EYS: variants seen among roughly 807,000 people sequenced by gnomAD.
The protein encoded by EYS is EGF-like photoreceptor maintenance factor.
Under a neutral mutation model 282.1 loss-of-function variants are expected in EYS, and 250 were observed. That is an observed-to-expected ratio of 0.89 (90% CI 0.80 to 0.98). EYS has a LOEUF of 0.98. Among genes scored for constraint, EYS ranks in the 50% least tolerant of loss-of-function variants. The probability of loss-of-function intolerance (pLI) is 0.00; values close to 1 mark genes in which losing one functional copy is unlikely to be tolerated. For synonymous variants in EYS, 1,355 were observed against 1,282.9 expected, an observed-to-expected ratio of 1.06 and a Z score of -1.20; for missense variants, 4,016 against 3,709.0, an observed-to-expected ratio of 1.08 and a Z score of -2.15.
chr6:64,749,634 A>G (rs1347168031), intron 22 of EYS, among the ~76,000 whole-genome samples: 2 of 152,198 alleles, frequency 1.3e-5, no homozygotes, highest in African/African-American at 4.8e-5. Context: ...AAGTCTTGCT[A>G]AATTAGAAAA....
chr6:65,464,168 A>G (rs1296286929), intron 5 of EYS, among the ~76,000 whole-genome samples: 2 of 152,176 alleles, frequency 1.3e-5, no homozygotes, highest in African/African-American at 4.8e-5. Flanking sequence ...AGATCATTCA[A>G]AAGTATACAC....
At chr6:64,763,030 A>G (rs2149979923) in intron 22 of EYS, among the ~76,000 whole-genome samples, 1 of 152,348 alleles carries the variant, frequency 6.6e-6, no homozygotes, top group South Asian at 2.1e-4. Context: ...GGAATTATGA[A>G]CACAATATAA....
chr6:64,131,296 T>C (rs749442136), intron 31 of EYS, among the ~76,000 whole-genome samples: 3 of 152,260 alleles, frequency 2.0e-5, no homozygotes, highest in Non-Finnish European at 2.9e-5. Context: ...TGCACAGTTG[T>C]AAGTCATTTA....
At chr6:65,026,785 C>T (rs915238004) in intron 13 of EYS, among the ~76,000 whole-genome samples, 9 of 152,014 alleles carry the variant, frequency 5.9e-5, no homozygotes, top group South Asian at 2.1e-4. Flanking sequence ...GGCGTGGTGG[C>T]GGGCGCCTGT....
intron 31 of EYS, among the ~76,000 whole-genome samples, chr6:64,143,960 G>C (rs1774430275): frequency 6.6e-6 from 1 of 152,062 alleles, no homozygotes; most frequent in South Asian, 2.1e-4. Flanking sequence ...ATTTTGCTTG[G>C]GATACTGCAA....
chr6:63,952,135 G>A (rs543015368), intron 35 of EYS, among the ~76,000 whole-genome samples: 7 of 152,328 alleles, frequency 4.6e-5, no homozygotes, highest in East Asian at 3.9e-4. Flanking sequence ...AAGCCACAGC[G>A]GTTAAGCATT....
At chr6:64,181,225 C>T (rs1277154760) in intron 31 of EYS, among the ~76,000 whole-genome samples, 1 of 152,066 alleles carries the variant, frequency 6.6e-6, no homozygotes, top group African/African-American at 2.4e-5. Flanking sequence ...AGACAACATC[C>T]TCCACTGGAC....
chr6:65,435,059 A>C (rs1404338093), intron 5 of EYS, among the ~76,000 whole-genome samples: 1 of 151,866 alleles, frequency 6.6e-6, no homozygotes. Flanking sequence ...ACACATCTAA[A>C]GTCACCAGAT....
intron 35 of EYS, among the ~76,000 whole-genome samples, chr6:63,928,035 T>C (rs1263943329): frequency 2.0e-5 from 3 of 152,204 alleles, no homozygotes; most frequent in Non-Finnish European, 4.4e-5. Context: ...TGGTTTCCGA[T>C]GAGCTGTGTA....
At chr6:63,808,213 T>C (rs1386815243) in intron 36 of EYS, among the ~76,000 whole-genome samples, 1 of 152,130 alleles carries the variant, frequency 6.6e-6, no homozygotes, top group Non-Finnish European at 1.5e-5. Context: ...TATAAGAACT[T>C]TCAGGCAGAA....
intron 26 of EYS, among the ~76,000 whole-genome samples, chr6:64,456,087 T>G (rs574496268): frequency 4.6e-5 from 7 of 152,254 alleles, no homozygotes; most frequent in African/African-American, 1.7e-4. Context: ...ATACCTTTTC[T>G]GATTTTCATA....
At chr6:64,733,364 C>G in intron 22 of EYS, 1 of 176,520 alleles carries the variant, frequency 5.7e-6, no homozygotes, top group Non-Finnish European at 1.2e-5. Context: ...GCAGGGCAGT[C>G]ATACTCACAT....
intron 35 of EYS, among the ~76,000 whole-genome samples, chr6:63,867,849 A>G (rs1354982920): frequency 2.0e-5 from 3 of 152,160 alleles, no homozygotes; most frequent in Non-Finnish European, 4.4e-5. Flanking sequence ...AAGGCTCAAG[A>G]GTCTGCCTTT....
At chr6:64,070,895 A>AAAAGT (rs1771548785) in intron 32 of EYS, among the ~76,000 whole-genome samples, 2 of 152,116 alleles carry the variant, frequency 1.3e-5, no homozygotes, top group African/African-American at 4.8e-5. Flanking sequence ...TATGACTTTT[A>AAAAGT]CACCATGAGC....
At chr6:64,843,128 G>A (rs1039955863) in intron 19 of EYS, among the ~76,000 whole-genome samples, 2 of 152,012 alleles carry the variant, frequency 1.3e-5, no homozygotes, top group Non-Finnish European at 2.9e-5. Context: ...TGTTCCATCT[G>A]GTCCAGCAGA....
chr6:64,682,697 A>T (rs556131931), intron 22 of EYS, among the ~76,000 whole-genome samples: 2 of 152,324 alleles, frequency 1.3e-5, no homozygotes, highest in African/African-American at 4.8e-5. Flanking sequence ...GAAAGAAGAC[A>T]GTCTGTGAAG....
chr6:65,092,020 CTT>C (rs1774589119), intron 12 of EYS, among the ~76,000 whole-genome samples: 1 of 152,000 alleles, frequency 6.6e-6, no homozygotes, highest in Admixed American at 6.6e-5. Flanking sequence ...GTTAATATAA[CTT>C]TTAATATTGA....
Position 64,520,685 on chromosome 6 carries a change from A to T in EYS, c.5644+69538T>A, listed in dbSNP as rs140310949. 1.8e-3 allele frequency among the ~76,000 whole-genome samples: 268 copies of T among 151,886 alleles called. 1 individual carries two copies. Among genetic ancestry groups the T allele is most frequent in the African/African-American group, 6.2e-3 (259 of 41,480 alleles). ...GATATGCACATTGAGTCAGGAGAAAAGATTTAGTACAACATTTTAAAATTT... is the reference window on the plus strand; with the variant it reads ...GATATGCACATTGAGTCAGGAGAAATGATTTAGTACAACATTTTAAAATTT... On this transcript the variant is annotated intron_variant, in intron 26 of 42. Coordinates refer to ENST00000503581, the MANE Select transcript of EYS (RefSeq NM_001142800.2).
intron 12 of EYS, among the ~76,000 whole-genome samples, chr6:65,067,754 G>C (rs1773788900): frequency 1.3e-5 from 2 of 151,996 alleles, no homozygotes; most frequent in Admixed American, 6.6e-5. Context: ...AAGTACCATG[G>C]CAGTGAGAAG....
Sources: allele counts gnomAD v4.1 joint callset (sites outside exome capture counted in the v4.1 genomes callset), GRCh38; gene constraint gnomAD v4.1.1; transcripts MANE v1.5; gene names NCBI Gene and HGNC (gene_info 2026-07-23, HGNC 2026-07-21).